RASSF6: variants seen among roughly 807,000 people sequenced by gnomAD.
RASSF6 encodes the protein Ras association domain family member 6, also known as ras association domain-containing protein 6.
Under a neutral mutation model 44.0 loss-of-function variants are expected in RASSF6, and 52 were observed. The observed-to-expected ratio is 1.18, with a 90% CI of 0.95 to 1.49. The LOEUF (loss-of-function observed/expected upper bound fraction) is 1.49, where lower values mean the gene tolerates loss of function less well. Among genes scored for constraint, RASSF6 ranks in the 40% most tolerant of loss-of-function variants. The pLI is 0.00. For missense variants in RASSF6, 464 were observed against 393.3 expected (o/e 1.18, Z -1.52); for synonymous variants, 162 against 124.6 (o/e 1.30, Z -2.00).
intron 2 of RASSF6, among the ~76,000 whole-genome samples, chr4:73,609,144 G>C (rs189558940): frequency 3.3e-5 from 5 of 152,252 alleles, no homozygotes; most frequent in Non-Finnish European, 7.4e-5. Flanking sequence ...AGTCTGATAG[G>C]TTCTGAGAGT....
Position 73,576,411 on chromosome 4 carries a change from T to G in RASSF6, c.937A>C (p.Lys313Gln). Residue 313 changes from lysine (K) to glutamine (Q), a missense_variant and splice_region_variant, in exon 10 of 11, where the codon AAA becomes CAA. By Grantham distance (53) the Lys-to-Gln change is moderately conservative. Transcript: ENST00000307439. ...CCAATGTGCATGCTCTTGACTTACT[T>G]TGTTACTATTCTTTGAATCTCTCTT... ...EKREIQRIVT[K>Q]FNKEKAIILK... 6.5e-7 allele frequency: 1 copy of G among 1,549,812 alleles called. No individual in the cohort carries two copies. The highest frequency in any genetic ancestry group is 8.8e-7 in the Non-Finnish European group (1 of 1,133,782).
intron 5 of RASSF6, among the ~76,000 whole-genome samples, chr4:73,587,497 T>C (rs1361709546): frequency 6.6e-6 from 1 of 152,084 alleles, no homozygotes; most frequent in Non-Finnish European, 1.5e-5. Context: ...CTATTGGGAA[T>C]AATAAATGAC....
chr4:73,596,091 A>G (rs923566045), intron 3 of RASSF6, among the ~76,000 whole-genome samples: 1 of 152,200 alleles, frequency 6.6e-6, no homozygotes, highest in African/African-American at 2.4e-5. Flanking sequence ...ATAAAAAGAA[A>G]AAAAGTAAAC....
intron 2 of RASSF6, among the ~76,000 whole-genome samples, chr4:73,603,477 G>T (rs75411582): frequency 7.3e-4 from 111 of 152,158 alleles, no homozygotes; most frequent in African/African-American, 2.5e-3. Flanking sequence ...CCTTGGTGGG[G>T]GGCAGGTCAG....
chr4:73,616,267 A>G (rs1165659626), intron 1 of RASSF6, among the ~76,000 whole-genome samples: 1 of 151,868 alleles, frequency 6.6e-6, no homozygotes, highest in Non-Finnish European at 1.5e-5. Context: ...CTATCTATCT[A>G]TACATATATA....
intron 2 of RASSF6, chr4:73,604,314 A>G (rs1446513346): frequency 6.6e-6 from 1 of 152,212 alleles, no homozygotes; most frequent in Non-Finnish European, 1.5e-5. Context: ...CTCTACTAAA[A>G]AATAGAAAAA....
chr4:73,579,360 G>A (rs1420178148), intron 8 of RASSF6, among the ~76,000 whole-genome samples: 1 of 152,134 alleles, frequency 6.6e-6, no homozygotes, highest in Non-Finnish European at 1.5e-5. Flanking sequence ...AATATTGCAA[G>A]AATAAATTCC....
rs1560445663 is a variant in RASSF6 at position 73,587,917 on chromosome 4, T to TC, written c.304dup (p.Glu102GlyfsTer3). 1.9e-6 allele frequency: 3 copies of TC among 1,607,418 alleles called. No individual in the cohort carries two copies. Among genetic ancestry groups the TC allele is most frequent in the Non-Finnish European group, 1.7e-6 (2 of 1,175,052 alleles). On this transcript the variant is annotated frameshift_variant, in exon 5 of 11. Transcript: ENST00000307439. LOFTEE classifies it high-confidence loss of function. ...ACTAATACGATAGAGATCGTCAAAT[T>TC]CCCCCCAGCGTGTCATTCTGAGAAG...
At chr4:73,620,156 G>A in intron 1 of RASSF6, 132 bp downstream of exon 1, 2 of 469,822 alleles carry the variant, frequency 4.3e-6, no homozygotes, top group Non-Finnish European at 7.2e-6. Flanking sequence ...AAAGGCATGT[G>A]TGCGATTCAG....
chr4:73,580,017 C>G (rs975042124), intron 8 of RASSF6, among the ~76,000 whole-genome samples: 1 of 111,316 alleles, frequency 9.0e-6, no homozygotes, highest in Non-Finnish European at 1.8e-5. Flanking sequence ...TGCTATCCCT[C>G]CCCCCTCCCC....
At chr4:73,618,238 C>T (rs371545809) in intron 1 of RASSF6, among the ~76,000 whole-genome samples, 12 of 151,342 alleles carry the variant, frequency 7.9e-5, no homozygotes, top group South Asian at 2.1e-4. Flanking sequence ...ATGTTATACA[C>T]GTGAGAAATA....
chr4:73,585,784 C>T (rs1425366253), intron 5 of RASSF6, among the ~76,000 whole-genome samples: 1 of 151,642 alleles, frequency 6.6e-6, no homozygotes, highest in Non-Finnish European at 1.5e-5. Flanking sequence ...GGACATAGTA[C>T]TCATAAATGA....
In RASSF6 at chr4:73,576,610, T is replaced by G; in HGVS notation, c.840+3A>C. On this transcript the variant is annotated splice_donor_region_variant and intron_variant, in intron 9 of 10. Transcript: ENST00000307439. ...AACAGATTCAGGGTGATGGTATTCA[T>G]ACATCACTGCTAATTTCTTCTGCAT... The G allele has an allele frequency of 6.3e-7, 1 of 1,593,184 alleles. No individual in the cohort carries two copies. The highest frequency in any genetic ancestry group is 2.2e-5 in the East Asian group (1 of 44,770).
Position 73,576,730 on chromosome 4 carries a change from T to C in RASSF6, c.723A>G (p.Glu241=), listed in dbSNP as rs370228964. The C allele has an allele frequency of 1.3e-6, 2 of 1,571,662 alleles. No individual in the cohort carries two copies. Among genetic ancestry groups the C allele is most frequent in the African/African-American group, 2.7e-5 (2 of 73,724 alleles). ...TGTCTGTCTTCTTTAGTCGTCTTTG[T>C]TCTGCAGTGAAAACAAGAATCAACC... ...FALHIIFATG[E]QRRLKKTDIP... Residue 241 remains glutamate (E), a splice_region_variant and synonymous_variant, in exon 9 of 11, where the codon GAA becomes GAG. Coordinates refer to ENST00000307439, the MANE Select transcript of RASSF6 (RefSeq NM_177532.5).
intron 3 of RASSF6, among the ~76,000 whole-genome samples, chr4:73,597,986 G>C (rs917528127): frequency 1.3e-5 from 2 of 152,110 alleles, no homozygotes; most frequent in African/African-American, 4.8e-5. Flanking sequence ...TTGGGAGGAG[G>C]GATAGGACCA....
At chr4:73,617,130 A>G (rs1052532177) in intron 1 of RASSF6, among the ~76,000 whole-genome samples, 5 of 152,206 alleles carry the variant, frequency 3.3e-5, no homozygotes, top group Non-Finnish European at 5.9e-5. Context: ...GCAGTCAGTG[A>G]TTGTTGGTTT....
chr4:73,608,490 G>T, intron 2 of RASSF6, among the ~76,000 whole-genome samples: 1 of 152,120 alleles, frequency 6.6e-6, no homozygotes. Flanking sequence ...AATAACAGAT[G>T]TGATACCCAG....
rs141793183 is a variant in RASSF6 at position 73,593,582 on chromosome 4, G to A, written c.156C>T (p.Gly52=). The A allele has an allele frequency of 1.2e-6, 2 of 1,613,150 alleles. No homozygotes were observed. The highest frequency in any genetic ancestry group is 1.7e-5 in the Admixed American group (1 of 59,890). The part of the protein sequence containing the change: ...LHILYGETED[G]KLIVEGMLDI... ...CCAGCATTCCTTCAACAATTAGTTT[G>A]CCATCTTCAGTCTAAGGAAGAAATG... Residue 52 remains glycine, a synonymous_variant, in exon 4 of 11, where the codon GGC becomes GGT. Transcript: ENST00000307439.
intron 6 of RASSF6, among the ~76,000 whole-genome samples, chr4:73,583,191 C>G (rs1723806008): frequency 6.6e-6 from 1 of 152,060 alleles, no homozygotes; most frequent in African/African-American, 2.4e-5. Flanking sequence ...CCAACTTTGT[C>G]AACTCATTTA....
Sources: allele counts gnomAD v4.1 joint callset (sites outside exome capture counted in the v4.1 genomes callset), GRCh38; gene constraint gnomAD v4.1.1; transcripts MANE v1.5; gene names NCBI Gene and HGNC (gene_info 2026-07-23, HGNC 2026-07-21).